The following ASTN2 variants were observed in gnomAD, a reference collection of about 807,000 sequenced individuals.
ASTN2 encodes the protein astrotactin-2.
In ASTN2, 54 loss-of-function variants were observed where a neutral mutation model predicts 139.8. The observed-to-expected ratio is 0.39, with a 90% confidence interval of 0.31 to 0.48. ASTN2 has a LOEUF of 0.48. Ranked by LOEUF, ASTN2 falls within the 20% of genes least tolerant of loss-of-function variation. The probability of loss-of-function intolerance (pLI) is 0.95; values close to 1 mark genes in which losing one functional copy is unlikely to be tolerated. For synonymous variants in ASTN2, 756 were observed against 719.5 expected (o/e 1.05, Z -0.81); for missense variants, 1,565 against 1,725.1 (o/e 0.91, Z 1.64).
chr9:116,851,338 A>C lies in ASTN2; in HGVS notation c.2040+12245T>G, dbSNP rs143554478. On this transcript the variant is annotated intron_variant, in intron 11 of 22. Transcript: ENST00000313400. ...TGGTGGGTGTGTTGGGGGAGGGCTTATGGAATGCAGGCAATATTCTATTTC... is the reference window on the plus strand; with the variant it reads ...TGGTGGGTGTGTTGGGGGAGGGCTTCTGGAATGCAGGCAATATTCTATTTC... Among the ~76,000 whole-genome samples, 925 of 152,328 alleles carry C rather than the reference A, an allele frequency of 6.1e-3. 8 individuals are homozygous for C. The highest frequency in any genetic ancestry group is 0.021 in the African/African-American group (867 of 41,572).
At chr9:117,144,660 GTTTTTTTTTTTTTTTTTTT>G (rs71379267) in intron 3 of ASTN2, among the ~76,000 whole-genome samples, 13 of 78,348 alleles carry the variant, frequency 1.7e-4, no homozygotes, top group African/African-American at 5.4e-4. Context: ...GTGAACACTA[GTTTTTTTTTTTTTTTTTTT>G]TTTTTTTTTT....
intron 22 of ASTN2, among the ~76,000 whole-genome samples, chr9:116,427,406 T>G (rs1317792200): frequency 1.3e-5 from 2 of 152,220 alleles, no homozygotes; most frequent in Non-Finnish European, 2.9e-5. Flanking sequence ...AACTGAGGCT[T>G]AGAGAAGGAA....
At chr9:116,608,476 T>C (rs1200402297) in intron 19 of ASTN2, among the ~76,000 whole-genome samples, 2 of 152,164 alleles carry the variant, frequency 1.3e-5, no homozygotes, top group African/African-American at 4.8e-5. Flanking sequence ...GACTAAACAC[T>C]GCTTCAGTTC....
chr9:116,814,498 AC>A (rs775203286), intron 12 of ASTN2, among the ~76,000 whole-genome samples: 3 of 152,134 alleles, frequency 2.0e-5, no homozygotes, highest in Non-Finnish European at 4.4e-5. Flanking sequence ...CTAGTCTAAG[AC>A]CCCTAATAAT....
At chr9:117,223,629 C>T (rs932034490) in intron 2 of ASTN2, among the ~76,000 whole-genome samples, 1 of 152,100 alleles carries the variant, frequency 6.6e-6, no homozygotes, top group East Asian at 1.9e-4. Flanking sequence ...TACAAGATAC[C>T]AGCATGTAAT....
chr9:117,083,029 A>G (rs896286602), intron 5 of ASTN2, among the ~76,000 whole-genome samples: 7 of 152,096 alleles, frequency 4.6e-5, no homozygotes, highest in Non-Finnish European at 8.8e-5. Context: ...CAGTCCTCAC[A>G]GTTTGGAATA....
At chr9:116,695,716 C>T (rs62574187) in intron 16 of ASTN2, among the ~76,000 whole-genome samples, 17,822 of 152,168 alleles carry the variant, frequency 0.12, 1,200 homozygotes, top group Middle Eastern at 0.18. Flanking sequence ...ACTTGCTAGA[C>T]CTATTCATTC....
chr9:116,973,533 G>T (rs1836267469), intron 10 of ASTN2, among the ~76,000 whole-genome samples: 1 of 152,186 alleles, frequency 6.6e-6, no homozygotes, highest in African/African-American at 2.4e-5. Flanking sequence ...TGAAATCATG[G>T]ATGCAATGTC....
intron 1 of ASTN2, among the ~76,000 whole-genome samples, chr9:117,375,329 A>C (rs1234510607): frequency 6.6e-6 from 1 of 152,220 alleles, no homozygotes; most frequent in Admixed American, 6.5e-5. Flanking sequence ...GAGTTAACAA[A>C]TACCACAGTC....
At position 116,752,133 on chromosome 9, in the gene ASTN2, T is replaced by C. The variant is rs116804604; in HGVS notation, c.2397-18610A>G. The stretch of plus-strand genomic sequence containing the variant: ...TAGAGTAATCAAGACAGCGTGATAC[T>C]GGTGAAATGACAGAAAAAGAGATCC... On this transcript the variant is annotated intron_variant, in intron 13 of 22. Transcript: ENST00000313400. 3.5e-3 allele frequency among the ~76,000 whole-genome samples: 536 copies of C among 152,268 alleles called. 2 individuals are homozygous for C. Among genetic ancestry groups the C allele is most frequent in the African/African-American group, 0.012 (516 of 41,576 alleles).
At chr9:117,242,985 GTCA>G (rs994765436) in intron 2 of ASTN2, among the ~76,000 whole-genome samples, 14 of 152,246 alleles carry the variant, frequency 9.2e-5, no homozygotes, top group South Asian at 4.1e-4. Flanking sequence ...CATCGCCATC[GTCA>G]TCATCATCAT....
chr9:116,573,832 C>A (rs1853618611), intron 19 of ASTN2, among the ~76,000 whole-genome samples: 1 of 152,216 alleles, frequency 6.6e-6, no homozygotes, highest in Non-Finnish European at 1.5e-5. Flanking sequence ...AAACCATATA[C>A]AACTTCCACT....
chr9:116,810,495 A>G (rs1160687376), intron 12 of ASTN2, among the ~76,000 whole-genome samples: 1 of 152,162 alleles, frequency 6.6e-6, no homozygotes, highest in African/African-American at 2.4e-5. Flanking sequence ...TACTGTTGCA[A>G]TCTTTTAAAC....
chr9:116,730,090 T>C (rs1828737182), intron 14 of ASTN2, among the ~76,000 whole-genome samples: 1 of 152,244 alleles, frequency 6.6e-6, no homozygotes, highest in African/African-American at 2.4e-5. Context: ...TTGCAAACTC[T>C]CTTTTTTATA....
chr9:117,071,857 C>A (rs1017454084), intron 5 of ASTN2, among the ~76,000 whole-genome samples: 1 of 152,154 alleles, frequency 6.6e-6, no homozygotes, highest in African/African-American at 2.4e-5. Flanking sequence ...CAATGCCTAG[C>A]CCTGCTTCGG....
intron 19 of ASTN2, among the ~76,000 whole-genome samples, chr9:116,609,787 A>C (rs1855437054): frequency 6.6e-6 from 1 of 152,256 alleles, no homozygotes; most frequent in East Asian, 1.9e-4. Flanking sequence ...CATATATGTG[A>C]ATAACACATA....
At chr9:117,191,051 A>C (rs1305521115) in intron 3 of ASTN2, among the ~76,000 whole-genome samples, 1 of 152,130 alleles carries the variant, frequency 6.6e-6, no homozygotes, top group African/African-American at 2.4e-5. Context: ...TATTTAACAA[A>C]TGTGTATGGA....
intron 19 of ASTN2, among the ~76,000 whole-genome samples, chr9:116,531,352 T>A (rs1851335723): frequency 6.6e-6 from 1 of 152,192 alleles, no homozygotes; most frequent in Non-Finnish European, 1.5e-5. Flanking sequence ...ACAGAGGCCC[T>A]CTGCTTACTG....
chr9:117,035,378 TTA>T (rs1386186958), intron 6 of ASTN2, among the ~76,000 whole-genome samples: 1 of 152,126 alleles, frequency 6.6e-6, no homozygotes, highest in African/African-American at 2.4e-5. Flanking sequence ...GTCACCACAT[TTA>T]TGTTAGGTTG....
Sources: gnomAD v4.1 joint callset for allele counts (sites outside exome capture counted in the v4.1 genomes callset) on GRCh38, gnomAD v4.1.1 for gene constraint, MANE v1.5 for transcripts, NCBI Gene and HGNC (gene_info 2026-07-23, HGNC 2026-07-21) for gene names.